ST6GALNAC5: variants seen among roughly 807,000 people sequenced by gnomAD.
The protein encoded by ST6GALNAC5 is alpha-N-acetylgalactosaminide alpha-2,6-sialyltransferase 5.
ST6GALNAC5 carries 27 observed loss-of-function variants against 33.6 expected under a neutral mutation model. That is an observed-to-expected ratio of 0.80 (90% CI 0.59 to 1.11). The LOEUF is 1.11. Among genes scored for constraint, ST6GALNAC5 ranks in the 50% least tolerant of loss-of-function variants. The probability of loss-of-function intolerance (pLI) is 0.00; values close to 1 mark genes in which losing one functional copy is unlikely to be tolerated. For synonymous variants in ST6GALNAC5, 194 were observed against 171.2 expected, an observed-to-expected ratio of 1.13 and a Z score of -1.04; for missense variants, 428 against 454.0, an observed-to-expected ratio of 0.94 and a Z score of 0.52.
intron 2 of ST6GALNAC5, among the ~76,000 whole-genome samples, chr1:76,904,512 A>T (rs1428032901): frequency 6.6e-6 from 1 of 152,246 alleles, no homozygotes; most frequent in Non-Finnish European, 1.5e-5. Context: ...AATGAATCCC[A>T]TAAACCTAAT....
At chr1:77,002,282 G>T in intron 2 of ST6GALNAC5, among the ~76,000 whole-genome samples, 1 of 152,274 alleles carries the variant, frequency 6.6e-6, no homozygotes, top group East Asian at 1.9e-4. Context: ...TTGCATAGAG[G>T]TGTTTGTAGT....
chr1:76,917,212 A>AT (rs1184466270), intron 2 of ST6GALNAC5, among the ~76,000 whole-genome samples: 1 of 152,170 alleles, frequency 6.6e-6, no homozygotes, highest in Non-Finnish European at 1.5e-5. Context: ...TAAAACAAAT[A>AT]TTTTATTTTG....
chr1:77,026,033 TA>T (rs1463216081), intron 2 of ST6GALNAC5, among the ~76,000 whole-genome samples: 1 of 152,248 alleles, frequency 6.6e-6, no homozygotes, highest in African/African-American at 2.4e-5. Context: ...GAACTGACTG[TA>T]AGTTCTAACC....
intron 2 of ST6GALNAC5, among the ~76,000 whole-genome samples, chr1:77,028,723 C>A (rs1651340114): frequency 1.3e-5 from 2 of 152,148 alleles, no homozygotes; most frequent in South Asian, 4.1e-4. Context: ...GCTTATTGAA[C>A]CCTCACAGCT....
At chr1:76,959,685 C>T (rs187476745) in intron 2 of ST6GALNAC5, among the ~76,000 whole-genome samples, 40 of 152,302 alleles carry the variant, frequency 2.6e-4, no homozygotes, top group Middle Eastern at 3.4e-3. Context: ...CAAGGACCAA[C>T]GGCCCATCAA....
chr1:76,916,275 C>A (rs116746050), intron 2 of ST6GALNAC5, among the ~76,000 whole-genome samples: 2,035 of 152,178 alleles, frequency 0.013, 46 homozygotes, highest in African/African-American at 0.046. Flanking sequence ...GCAGCTGCTT[C>A]GCCTTTGTCT....
chr1:76,968,079 C>G (rs149144022), intron 2 of ST6GALNAC5, among the ~76,000 whole-genome samples: 1,715 of 152,240 alleles, frequency 0.011, 36 homozygotes, highest in African/African-American at 0.039. Flanking sequence ...GTGGAGAGTT[C>G]TGTAGCTGTC....
chr1:77,026,207 G>T (rs1651227037), intron 2 of ST6GALNAC5, among the ~76,000 whole-genome samples: 1 of 151,922 alleles, frequency 6.6e-6, no homozygotes. Context: ...GGAAAAAAGA[G>T]CCCTGGGAGA....
chr1:76,907,539 G>C (rs150627324), intron 2 of ST6GALNAC5, among the ~76,000 whole-genome samples: 113 of 152,272 alleles, frequency 7.4e-4, no homozygotes, highest in African/African-American at 2.6e-3. Context: ...ACTAGTGAGA[G>C]AAAGCCCTGC....
chr1:76,882,273 G>A (rs1653798592), intron 2 of ST6GALNAC5, among the ~76,000 whole-genome samples: 1 of 152,030 alleles, frequency 6.6e-6, no homozygotes, highest in Admixed American at 6.6e-5. Context: ...CATAAACCAA[G>A]CCAAAAGGAG....
At chr1:76,901,593 G>A (rs183428646) in intron 2 of ST6GALNAC5, among the ~76,000 whole-genome samples, 1 of 152,148 alleles carries the variant, frequency 6.6e-6, no homozygotes, top group African/African-American at 2.4e-5. Context: ...GAAGAGAACA[G>A]GGTACTTTGG....
chr1:77,054,638 G>A (rs908032769), intron 4 of ST6GALNAC5, among the ~76,000 whole-genome samples: 13 of 152,102 alleles, frequency 8.5e-5, no homozygotes, highest in African/African-American at 3.1e-4. Context: ...GGGGCAGAGA[G>A]AGAAGGGCTA....
chr1:77,006,311 C>T (rs1349488040), intron 2 of ST6GALNAC5, among the ~76,000 whole-genome samples: 4 of 146,758 alleles, frequency 2.7e-5, no homozygotes, highest in Non-Finnish European at 5.9e-5. Flanking sequence ...CATGCCACTA[C>T]ACCCGGCTAA....
At chr1:76,969,426 T>C (rs755294785) in intron 2 of ST6GALNAC5, among the ~76,000 whole-genome samples, 1 of 152,180 alleles carries the variant, frequency 6.6e-6, no homozygotes, top group African/African-American at 2.4e-5. Context: ...TGCTCACTGC[T>C]AGTGCAGCAG....
At chr1:76,980,501 ATATC>A (rs1157042069) in intron 2 of ST6GALNAC5, among the ~76,000 whole-genome samples, 1 of 152,208 alleles carries the variant, frequency 6.6e-6, no homozygotes, top group Non-Finnish European at 1.5e-5. Flanking sequence ...CAATTAGACT[ATATC>A]TATGTCATTT....
At position 77,044,489 on chromosome 1, in the gene ST6GALNAC5, G is replaced by A. The variant is rs1178523550; in HGVS notation, c.547G>A (p.Gly183Ser). 6.2e-7 allele frequency: 1 copy of A among 1,613,320 alleles called. No individual in the cohort carries two copies. Among genetic ancestry groups the A allele is most frequent in the South Asian group, 1.1e-5 (1 of 90,986 alleles). ...CAGCTACATGCGGCGGGACGGCAAG[G>A]GCCAGGTCTACAACAACCTGCATCT... ...PSSYMRRDGK[G>S]QVYNNLHLLS... The change falls in exon 3 of 5, where the codon GGC becomes AGC. Residue 183 changes from glycine (G) to serine (S), a missense_variant. Physicochemically the swap from Gly to Ser is moderately conservative, Grantham distance 56. Coordinates refer to ENST00000477717, the MANE Select transcript of ST6GALNAC5 (RefSeq NM_030965.3).
At position 77,050,245 on chromosome 1, in the gene ST6GALNAC5, T is replaced by C; in HGVS notation, c.672-13T>C. ...CTTTACCAGCTTGCAGACTTAATTA[T>C]TGTTCCTTCCAGGAAGATATCCAAC... is the stretch of plus-strand genomic sequence containing the variant. On this transcript the variant is annotated splice_polypyrimidine_tract_variant and intron_variant, in intron 3 of 4. Transcript: ENST00000477717. 1 of 1,611,840 alleles carries C rather than the reference T, an allele frequency of 6.2e-7. No homozygotes were observed. The highest frequency in any genetic ancestry group is 8.5e-7 in the Non-Finnish European group (1 of 1,177,974).
At chr1:76,936,562 T>C (rs1400132236) in intron 2 of ST6GALNAC5, among the ~76,000 whole-genome samples, 1 of 152,036 alleles carries the variant, frequency 6.6e-6, no homozygotes, top group Non-Finnish European at 1.5e-5. Context: ...CAGAAGGACA[T>C]TCTTTCTTTG....
At chr1:76,895,826 T>C (rs538351188) in intron 2 of ST6GALNAC5, among the ~76,000 whole-genome samples, 1 of 152,196 alleles carries the variant, frequency 6.6e-6, no homozygotes, top group South Asian at 2.1e-4. Context: ...TGGTCTGGCG[T>C]CTGGAATGAG....
Sources: gnomAD v4.1 joint callset for allele counts (sites outside exome capture counted in the v4.1 genomes callset) on GRCh38, gnomAD v4.1.1 for gene constraint, MANE v1.5 for transcripts, NCBI Gene and HGNC (gene_info 2026-07-23, HGNC 2026-07-21) for gene names.